The following PTPRD variants were observed in gnomAD, a reference collection of about 807,000 sequenced individuals.
PTPRD encodes the protein protein tyrosine phosphatase receptor type D, also known as receptor-type tyrosine-protein phosphatase delta.
A neutral mutation model predicts 214.5 loss-of-function variants in PTPRD; 34 were observed. The observed-to-expected ratio is 0.16, with a 90% CI of 0.12 to 0.21. The LOEUF is 0.21. Among genes scored for constraint, PTPRD ranks in the 10% least tolerant of loss-of-function variants. The pLI, the probability that PTPRD is intolerant of heterozygous loss-of-function variation, is 1.00. For missense variants in PTPRD, 2,545 were observed against 2,398.7 expected, an observed-to-expected ratio of 1.06 and a Z score of -1.27; for synonymous variants, 1,128 against 845.7, an observed-to-expected ratio of 1.33 and a Z score of -5.79.
intron 5 of PTPRD, among the ~76,000 whole-genome samples, chr9:9,802,821 T>C (rs1200479542): frequency 2.0e-5 from 3 of 151,898 alleles, no homozygotes; most frequent in Non-Finnish European, 4.4e-5. Flanking sequence ...AAAAAAATTC[T>C]AATGAAACAA....
At chr9:10,455,229 T>A (rs2098900838) in intron 2 of PTPRD, among the ~76,000 whole-genome samples, 1 of 151,734 alleles carries the variant, frequency 6.6e-6, no homozygotes, top group Admixed American at 6.6e-5. Flanking sequence ...TTCCAATTGT[T>A]TTTTTCTTTC....
At position 8,465,328 on chromosome 9, in the gene PTPRD, G is replaced by A. The variant is rs572104039; in HGVS notation, c.3714+138C>T. 5.5e-6 allele frequency: 4 copies of A among 728,010 alleles called. No individual in the cohort carries two copies. In the Admixed American group the frequency reaches 1.0e-4, roughly 19 times the overall value. 45.1% of individuals were successfully genotyped at this position (728,010 alleles called of 1,614,324 possible). A position where few individuals can be genotyped will look rare whatever the true frequency, so the allele number is the denominator to read the frequency against. ...TATATTGAGCAATGTTCAAAGAGTAGGCAGCCTGTTATTACACTTAATAAC... is the reference window on the plus strand; with the variant it reads ...TATATTGAGCAATGTTCAAAGAGTAAGCAGCCTGTTATTACACTTAATAAC... On this transcript the variant is annotated intron_variant, in intron 32 of 45. Transcript: ENST00000381196.
intron 11 of PTPRD, among the ~76,000 whole-genome samples, chr9:8,796,702 G>C (rs1176719537): frequency 6.6e-6 from 1 of 151,980 alleles, no homozygotes; most frequent in Non-Finnish European, 1.5e-5. Context: ...TCACATAATA[G>C]ATTTATGTAG....
chr9:9,416,792 C>T (rs1369190154), intron 8 of PTPRD, among the ~76,000 whole-genome samples: 5 of 152,192 alleles, frequency 3.3e-5, no homozygotes, highest in Admixed American at 1.3e-4. Context: ...TTCAAAGTCA[C>T]ATGGTGACTA....
intron 2 of PTPRD, among the ~76,000 whole-genome samples, chr9:10,355,920 G>A (rs544389210): frequency 6.6e-6 from 1 of 152,120 alleles, no homozygotes; most frequent in Non-Finnish European, 1.5e-5. Flanking sequence ...TTTAATGATT[G>A]TGTCTACTAA....
At chr9:9,033,218 T>A (rs184906599) in intron 10 of PTPRD, among the ~76,000 whole-genome samples, 6 of 152,098 alleles carry the variant, frequency 3.9e-5, no homozygotes, top group Non-Finnish European at 7.4e-5. Flanking sequence ...CCACAGTGCA[T>A]CCCTTTTCCA....
At chr9:8,527,256 G>A (rs986982053) in intron 16 of PTPRD, 89 bp downstream of exon 16, 7 of 1,385,832 alleles carry the variant, frequency 5.1e-6, no homozygotes, top group Non-Finnish European at 7.0e-6. Context: ...TTAGTAAAAT[G>A]CATGCCATGC....
intron 5 of PTPRD, among the ~76,000 whole-genome samples, chr9:9,923,657 C>T (rs1010115588): frequency 2.0e-5 from 3 of 151,950 alleles, no homozygotes; most frequent in Admixed American, 6.6e-5. Flanking sequence ...GTGATCTTTT[C>T]ATAATTGTGA....
chr9:9,943,396 G>T (rs1426383531), intron 4 of PTPRD, among the ~76,000 whole-genome samples: 2 of 152,056 alleles, frequency 1.3e-5, no homozygotes, highest in East Asian at 1.9e-4. Context: ...ACAACGTCAG[G>T]TCAGTAAGAA....
intron 2 of PTPRD, among the ~76,000 whole-genome samples, chr9:10,573,387 T>C (rs924326735): frequency 3.3e-5 from 5 of 152,220 alleles, no homozygotes; most frequent in Non-Finnish European, 7.3e-5. Flanking sequence ...TTTATTTCTG[T>C]ATACACATCC....
In PTPRD at chr9:10,103,395, T is replaced by TATATATATGTA. The variant is rs34926923; in HGVS notation, c.-544-69606_-544-69605insTACATATATAT. On this transcript the variant is annotated intron_variant, in intron 3 of 45. Coordinates refer to ENST00000381196, the MANE Select transcript of PTPRD (RefSeq NM_002839.4). ...CTGCATATTATATATATATATATAT[T>TATATATATGTA]TATTTAAGAGCATTGCAGTAAGAAA... Among the ~76,000 whole-genome samples, 78 of 116,728 alleles carry TATATATATGTA rather than the reference T, an allele frequency of 6.7e-4. 2 individuals carry two copies. Among genetic ancestry groups the TATATATATGTA allele is most frequent in the African/African-American group, 2.1e-3 (66 of 31,486 alleles). 76.6% of individuals were successfully genotyped at this position (116,728 alleles called of 152,430 possible). A position where few individuals can be genotyped will look rare whatever the true frequency, so the allele number is the denominator to read the frequency against.
chr9:9,628,552 T>A (rs1269189035), intron 7 of PTPRD, among the ~76,000 whole-genome samples: 1 of 152,058 alleles, frequency 6.6e-6, no homozygotes, highest in South Asian at 2.1e-4. Context: ...ATCCTTTCAC[T>A]CCCCTTGGCA....
chr9:10,210,590 G>T (rs1441933264), intron 3 of PTPRD, among the ~76,000 whole-genome samples: 1 of 151,072 alleles, frequency 6.6e-6, no homozygotes, highest in Admixed American at 6.6e-5. Flanking sequence ...CTCATGTCAT[G>T]ATATGAGGAT....
chr9:8,789,180 A>G (rs908477821), intron 11 of PTPRD, among the ~76,000 whole-genome samples: 1 of 152,118 alleles, frequency 6.6e-6, no homozygotes, highest in African/African-American at 2.4e-5. Context: ...GCACCCCGAG[A>G]CACAGATTAT....
chr9:9,121,739 G>C (rs1162207329), intron 10 of PTPRD, among the ~76,000 whole-genome samples: 1 of 152,020 alleles, frequency 6.6e-6, no homozygotes, highest in Non-Finnish European at 1.5e-5. Flanking sequence ...CTCAGGTGAT[G>C]GGTGCATCAG....
intron 2 of PTPRD, among the ~76,000 whole-genome samples, chr9:10,397,841 G>A (rs955622011): frequency 3.3e-5 from 5 of 151,840 alleles, no homozygotes; most frequent in Non-Finnish European, 5.9e-5. Flanking sequence ...CTGTATAGTA[G>A]GCAATATCAT....
intron 7 of PTPRD, among the ~76,000 whole-genome samples, chr9:9,693,630 T>A (rs2154405850): frequency 6.6e-6 from 1 of 152,304 alleles, no homozygotes; most frequent in East Asian, 1.9e-4. Flanking sequence ...GTTAATATAT[T>A]TCTCTAGGTT....
intron 7 of PTPRD, among the ~76,000 whole-genome samples, chr9:9,711,748 A>G (rs1564693327): frequency 1.3e-5 from 2 of 152,148 alleles, no homozygotes; most frequent in South Asian, 2.1e-4. Context: ...GTTCTGTAAT[A>G]TATATAGCAT....
At chr9:10,443,749 T>C (rs1437081668) in intron 2 of PTPRD, among the ~76,000 whole-genome samples, 3 of 151,254 alleles carry the variant, frequency 2.0e-5, no homozygotes, top group African/African-American at 7.3e-5. Flanking sequence ...ACCTGTTAAC[T>C]ACAAGCTATT....
Sources: allele counts gnomAD v4.1 joint callset (sites outside exome capture counted in the v4.1 genomes callset), GRCh38; gene constraint gnomAD v4.1.1; transcripts MANE v1.5; gene names NCBI Gene and HGNC (gene_info 2026-07-23, HGNC 2026-07-21).